Variants in TBRG1 observed in about 807,000 individuals in gnomAD.
TBRG1 encodes nuclear interactor of ARF and MDM2.
A neutral mutation model predicts 44.0 loss-of-function variants in TBRG1; 31 were observed. That is an observed-to-expected ratio of 0.70 (90% CI 0.53 to 0.95). The LOEUF is 0.95. TBRG1 is among the 40% of genes least tolerant of loss of function. The probability of loss-of-function intolerance (pLI) is 0.00; values close to 1 mark genes in which losing one functional copy is unlikely to be tolerated. For missense variants in TBRG1, 487 were observed against 496.1 expected, an observed-to-expected ratio of 0.98 and a Z score of 0.18; for synonymous variants, 171 against 188.1, an observed-to-expected ratio of 0.91 and a Z score of 0.74.
In TBRG1 at chr11:124,633,170, T is replaced by C. The variant is rs1402150623; in HGVS notation, c.*932T>C. On this transcript the variant is annotated 3_prime_UTR_variant, in exon 9 of 9. Transcript: ENST00000441174. ...CACCTCAGATAATGTGCTTTTTAGCTCAGTACACTGAAACCATATGATAAC... is the reference window on the plus strand; with the variant it reads ...CACCTCAGATAATGTGCTTTTTAGCCCAGTACACTGAAACCATATGATAAC... The C allele has an allele frequency of 6.6e-6, 1 of 152,230 alleles. No homozygotes were observed. The highest frequency in any genetic ancestry group is 1.5e-5 in the Non-Finnish European group (1 of 68,048). The allele number at this position is 152,230 out of a possible 1,614,324, so 9.4% of individuals were successfully genotyped here.
intron 8 of TBRG1, chr11:124,631,726 T>C (rs1356921835): frequency 2.0e-5 from 9 of 451,282 alleles, no homozygotes; most frequent in Non-Finnish European, 4.0e-6. Flanking sequence ...GTGCAGGGAA[T>C]AACATTTCAA....
Position 124,632,107 on chromosome 11 carries a change from C to G in TBRG1, c.1105C>G (p.Pro369Ala), listed in dbSNP as rs1474211789. ...GTTTTCTCCAGGATCCTTGGACCTC[C>G]CAGAGCTTCAGCCTGCAGCCTTTGT... is the stretch of plus-strand genomic sequence containing the variant. ...DPLLPGSLDLPELQPAAFVSS... is the reference protein window; with the variant it reads ...DPLLPGSLDLAELQPAAFVSS... The change falls in exon 9 of 9, where the codon CCA becomes GCA. Residue 369 changes from proline (P) to alanine (A), a missense_variant. Pro to Ala is a conservative substitution (Grantham distance 27, BLOSUM62 -1). Transcript: ENST00000441174. The G allele has an allele frequency of 1.2e-6, 2 of 1,613,666 alleles. No individual in the cohort carries two copies. Among genetic ancestry groups the G allele is most frequent in the South Asian group, 2.2e-5 (2 of 91,072 alleles).
chr11:124,632,054 C>T (rs1942626939), intron 8 of TBRG1, 39 bp from the exon 9 acceptor site: 2 of 1,605,696 alleles, frequency 1.2e-6, no homozygotes, highest in Admixed American at 1.7e-5. Context: ...TGCCCAGACT[C>T]CCGAGCAGCA....
intron 1 of TBRG1, 81 bp from the exon 2 acceptor site, chr11:124,624,850 G>T: frequency 2.0e-6 from 2 of 1,003,352 alleles, no homozygotes; most frequent in Admixed American, 2.6e-5. Context: ...TTTTTGGTTT[G>T]AAATATGGAT....
chr11:124,624,335 C>T (rs565485564), intron 1 of TBRG1, among the ~76,000 whole-genome samples: 10 of 122,634 alleles, frequency 8.2e-5, no homozygotes, highest in African/African-American at 2.8e-4. Flanking sequence ...AGGATTGGTG[C>T]TTGGGAGATA....
chr11:124,628,537 A>C (rs1171753043), intron 5 of TBRG1, among the ~76,000 whole-genome samples: 1 of 149,718 alleles, frequency 6.7e-6, no homozygotes, highest in African/African-American at 2.4e-5. Flanking sequence ...AAAAAAAAAA[A>C]AAAACCCACA....
At chr11:124,625,593 T>C in intron 2 of TBRG1, 78 bp from the exon 3 acceptor site, 2 of 1,325,804 alleles carry the variant, frequency 1.5e-6, no homozygotes, top group Non-Finnish European at 2.0e-6. Flanking sequence ...ATTCTGGCTT[T>C]TCCCAGTACT....
rs144787587 is a variant in TBRG1, at chr11:124,634,952, G to A, written c.*2714G>A. On this transcript the variant is annotated 3_prime_UTR_variant, in exon 9 of 9. Transcript: ENST00000441174. ...ATAAATTTCATTTTAAAACTAAAAA[G>A]TTCTTACATTTGGGGAAATGCAGTG... The A allele has an allele frequency of 2.0e-5, 3 of 152,252 alleles. No individual in the cohort carries two copies. The highest frequency in any genetic ancestry group is 7.2e-5 in the African/African-American group (3 of 41,554). The allele number at this position is 152,252 out of a possible 1,614,324, so 9.4% of individuals were successfully genotyped here.
At chr11:124,623,735 G>T (rs1455690235) in intron 1 of TBRG1, among the ~76,000 whole-genome samples, 1 of 152,162 alleles carries the variant, frequency 6.6e-6, no homozygotes, top group African/African-American at 2.4e-5. Flanking sequence ...CTGACCCTTT[G>T]CCCAAAGAGG....
intron 2 of TBRG1, 144 bp from the exon 3 acceptor site, chr11:124,625,527 A>T: frequency 1.4e-6 from 1 of 699,578 alleles, no homozygotes; most frequent in Non-Finnish European, 2.3e-6. Flanking sequence ...GGGCTTTATG[A>T]TTCATAGGGC....
chr11:124,631,653 A>T, intron 8 of TBRG1: 1 of 558,852 alleles, frequency 1.8e-6, no homozygotes, highest in Non-Finnish European at 3.2e-6. Flanking sequence ...TACCCCAGAA[A>T]CTAAGGTATC....
Position 124,634,733 on chromosome 11 carries a change from A to G in TBRG1, c.*2495A>G, listed in dbSNP as rs1423524785. On this transcript the variant is annotated 3_prime_UTR_variant, in exon 9 of 9. Transcript: ENST00000441174. ...CTGAAACACTCTAAATCTATATTCT[A>G]TTATTTACATAAGAAAATTATTTTG... 1.3e-5 allele frequency: 2 copies of G among 152,238 alleles called. No homozygotes were observed. The highest frequency in any genetic ancestry group is 2.9e-5 in the Non-Finnish European group (2 of 68,044). The allele number at this position is 152,238 out of a possible 1,614,324, so 9.4% of individuals were successfully genotyped here. A position where few individuals can be genotyped will look rare whatever the true frequency, so the allele number is the denominator to read the frequency against.
Position 124,622,976 on chromosome 11 carries a change from G to T in TBRG1, c.-108G>T. 1 of 1,245,156 alleles carries T rather than the reference G, an allele frequency of 8.0e-7. No individual in the cohort carries two copies. 77.1% of individuals were successfully genotyped at this position (1,245,156 alleles called of 1,614,324 possible). A position where few individuals can be genotyped will look rare whatever the true frequency, so the allele number is the denominator to read the frequency against. On this transcript the variant is annotated 5_prime_UTR_variant, in exon 1 of 9. It adds an upstream start codon to the 5' untranslated region. Transcript: ENST00000441174. ...CGTCCCGGAGAGCTAGATTCCTAGA[G>T]GCCCGATTCCGCTAGCCCGGAACAG...
rs1942710517 is a variant in TBRG1, at chr11:124,635,521, C to T, written c.*3283C>T. 1 of 152,044 alleles carries T rather than the reference C, an allele frequency of 6.6e-6. No homozygotes were observed. Among genetic ancestry groups the T allele is most frequent in the Non-Finnish European group, 1.5e-5 (1 of 67,988 alleles). 9.4% of individuals were successfully genotyped at this position (152,044 alleles called of 1,614,324 possible). A position where few individuals can be genotyped will look rare whatever the true frequency, so the allele number is the denominator to read the frequency against. On this transcript the variant is annotated 3_prime_UTR_variant, in exon 9 of 9. Coordinates refer to ENST00000441174, the MANE Select transcript of TBRG1 (RefSeq NM_032811.3). ...TTCATTTTCACACAGTAAAAAGTTC[C>T]TAAATTGGGGGAAACATAGTGAATT...
At position 124,622,939 on chromosome 11, in the gene TBRG1, C is replaced by T. The variant is rs1300930124; in HGVS notation, c.-145C>T. 5.6e-6 allele frequency: 5 copies of T among 899,806 alleles called. No individual in the cohort carries two copies. Among genetic ancestry groups the T allele is most frequent in the East Asian group, 2.7e-5 (1 of 36,496 alleles). 55.7% of individuals were successfully genotyped at this position (899,806 alleles called of 1,614,324 possible). ...TTGCGGGTGTCTCTGGCCCTGCGGT[C>T]AGCCCTGGGAACGTCCCGGAGAGCT... On this transcript the variant is annotated 5_prime_UTR_variant, in exon 1 of 9. Coordinates refer to ENST00000441174, the MANE Select transcript of TBRG1 (RefSeq NM_032811.3).
Position 124,635,831 on chromosome 11 carries a change from A to G in TBRG1, c.*3593A>G, listed in dbSNP as rs190916194. The G allele has an allele frequency of 6.6e-6, 1 of 152,214 alleles. No homozygotes were observed. Among genetic ancestry groups the G allele is most frequent in the South Asian group, 2.1e-4 (1 of 4,836 alleles). The allele number at this position is 152,214 out of a possible 1,614,324, so 9.4% of individuals were successfully genotyped here. On this transcript the variant is annotated 3_prime_UTR_variant, in exon 9 of 9. Transcript: ENST00000441174. ...TGCTTTTATTTATTTCCAACTTCTT[A>G]TAGGTAACATAATTTTCAGACAATG...
intron 1 of TBRG1, 78 bp from the exon 2 acceptor site, chr11:124,624,849 TGAAA>T: frequency 2.0e-6 from 2 of 991,366 alleles, no homozygotes; most frequent in Admixed American, 2.6e-5. Context: ...TTTTTTGGTT[TGAAA>T]TATGGATCCT....
Position 124,622,924 on chromosome 11 carries a change from C to T in TBRG1, c.-160C>T, listed in dbSNP as rs1942369780. The T allele has an allele frequency of 6.5e-6, 5 of 768,366 alleles. No homozygotes were observed. Among genetic ancestry groups the T allele is most frequent in the African/African-American group, 3.5e-5 (2 of 56,560 alleles). The allele number at this position is 768,366 out of a possible 1,614,324, so 47.6% of individuals were successfully genotyped here. A position where few individuals can be genotyped will look rare whatever the true frequency, so the allele number is the denominator to read the frequency against. On this transcript the variant is annotated 5_prime_UTR_variant, in exon 1 of 9. Transcript: ENST00000441174. ...CGGGAGCCCGTTCGGTTGCGGGTGT[C>T]TCTGGCCCTGCGGTCAGCCCTGGGA...
rs374403248 is a variant in TBRG1 at position 124,625,007 on chromosome 11, C to T, written c.221+6C>T. On this transcript the variant is annotated splice_donor_region_variant and intron_variant, in intron 2 of 8. Transcript: ENST00000441174. ...AAAGCAAAAGAAGAAAGAAGGTGAG[C>T]TGGCTTCATTTTGTGTTCAGCATCA... is the stretch of plus-strand genomic sequence containing the variant. 6.2e-5 allele frequency: 95 copies of T among 1,540,730 alleles called. No individual in the cohort carries two copies. The highest frequency in any genetic ancestry group is 8.3e-5 in the Non-Finnish European group (95 of 1,138,694).
Sources: gnomAD v4.1 joint callset for allele counts (sites outside exome capture counted in the v4.1 genomes callset) on GRCh38, gnomAD v4.1.1 for gene constraint, MANE v1.5 for transcripts, NCBI Gene and HGNC (gene_info 2026-07-23, HGNC 2026-07-21) for gene names.